The following HDLBP variants were observed in gnomAD, a reference collection of about 807,000 sequenced individuals.
HDLBP encodes high density lipoprotein binding protein, also known as vigilin.
Under a neutral mutation model 137.3 loss-of-function variants are expected in HDLBP, and 30 were observed. The ratio of observed to expected loss-of-function variants is 0.22; its 90% CI spans 0.16 to 0.30. The LOEUF (loss-of-function observed/expected upper bound fraction) is 0.30. Among genes scored for constraint, HDLBP ranks in the 10% least tolerant of loss-of-function variants. The probability of loss-of-function intolerance (pLI) is 1.00; values close to 1 mark genes in which losing one functional copy is unlikely to be tolerated. For synonymous variants in HDLBP, 606 were observed against 596.0 expected (o/e 1.02, Z -0.24); for missense variants, 1,119 against 1,667.3 (o/e 0.67, Z 5.73).
chr2:241,285,517 C>A (rs1426710836), intron 1 of HDLBP, among the ~76,000 whole-genome samples: 3 of 152,198 alleles, frequency 2.0e-5, no homozygotes, highest in Non-Finnish European at 4.4e-5. Context: ...ATGTCATGAG[C>A]AGAGTGCCTT....
chr2:241,290,822 C>T (rs1011118253), intron 1 of HDLBP, among the ~76,000 whole-genome samples: 3 of 152,134 alleles, frequency 2.0e-5, no homozygotes, highest in African/African-American at 7.2e-5. Flanking sequence ...GCCTAAGCAT[C>T]AGAGAATTAT....
chr2:241,305,018 G>A (rs906231096), intron 1 of HDLBP, among the ~76,000 whole-genome samples: 10 of 152,280 alleles, frequency 6.6e-5, no homozygotes, highest in East Asian at 5.8e-4. Context: ...ACAATAAACC[G>A]GTGTGGTGTT....
At chr2:241,309,943 G>A (rs1205660139) in intron 1 of HDLBP, among the ~76,000 whole-genome samples, 3 of 152,158 alleles carry the variant, frequency 2.0e-5, no homozygotes, top group Non-Finnish European at 2.9e-5. Flanking sequence ...CCAGCCAGGT[G>A]CCTCTGCAGT....
At chr2:241,296,731 GA>G (rs745945429) in intron 1 of HDLBP, among the ~76,000 whole-genome samples, 2 of 152,122 alleles carry the variant, frequency 1.3e-5, no homozygotes, top group South Asian at 2.1e-4. Context: ...TGGTGAGGGG[GA>G]AAAAAGACTA....
Position 241,272,218 on chromosome 2 carries a change from G to T in HDLBP, c.-102-3677C>A. 2 of 981,186 alleles carry T rather than the reference G, an allele frequency of 2.0e-6. No individual in the cohort carries two copies. The highest frequency in any genetic ancestry group is 1.7e-5 in the African/African-American group (1 of 57,200). 60.8% of individuals were successfully genotyped at this position (981,186 alleles called of 1,614,324 possible). ...GTGGAGGTGCTGCGGGGGCCCCGCC[G>T]CCCGGTCTGCGCCCAGACCCCCGCC... On this transcript the variant is annotated intron_variant, in intron 1 of 27. Transcript: ENST00000310931. The surrounding 1 kb of genome is among the most constrained non-coding windows in gnomAD (Gnocchi z 5.6).
At chr2:241,305,411 C>T (rs925782883) in intron 1 of HDLBP, among the ~76,000 whole-genome samples, 16 of 152,232 alleles carry the variant, frequency 1.1e-4, no homozygotes, top group African/African-American at 3.6e-4. Flanking sequence ...GCGTGAACCA[C>T]CGGACCTGGC....
intron 1 of HDLBP, chr2:241,302,661 T>A (rs2075434283): frequency 6.6e-6 from 1 of 152,386 alleles, no homozygotes; most frequent in Non-Finnish European, 1.5e-5. Flanking sequence ...CCAATGGATC[T>A]GGTCCTTTTG....
Position 241,240,026 on chromosome 2 carries a change from T to C in HDLBP, c.2266A>G (p.Ser756Gly). The change falls in exon 18 of 28, where the codon AGC becomes GGC. Residue 756 changes from serine to glycine, a missense_variant. This residue lies in a region of HDLBP where 618 missense variants were observed against 816.7 expected (regional missense o/e 0.76). Coordinates refer to ENST00000310931, the MANE Select transcript of HDLBP (RefSeq NM_005336.6). This position sits in a 1 kb window ranked among gnomAD's most constrained non-coding sequence, Gnocchi z 5.5. ...GGGKIRKVRD[S>G]TGARVIFPAA... ...GGGAAGATGACACGTGCTCCAGTGCTGTCGCGCACCTTGCGAATTTTGCCG... is the reference window on the plus strand; with the variant it reads ...GGGAAGATGACACGTGCTCCAGTGCCGTCGCGCACCTTGCGAATTTTGCCG... 7 of 1,614,252 alleles carry C rather than the reference T, an allele frequency of 4.3e-6. No homozygotes were observed. The highest frequency in any genetic ancestry group is 5.9e-6 in the Non-Finnish European group (7 of 1,180,052).
At chr2:241,310,960 T>A (rs2075740557) in intron 1 of HDLBP, among the ~76,000 whole-genome samples, 1 of 151,888 alleles carries the variant, frequency 6.6e-6, no homozygotes, top group South Asian at 2.1e-4. Flanking sequence ...AAAAAGTTTT[T>A]AAAATTATCC....
intron 17 of HDLBP, among the ~76,000 whole-genome samples, chr2:241,241,496 G>A (rs926853806): frequency 7.1e-6 from 1 of 141,224 alleles, no homozygotes; most frequent in African/African-American, 2.6e-5. Context: ...GAACCCAGGA[G>A]GCGGAGCTTG....
chr2:241,233,719 C>T lies in HDLBP; in HGVS notation c.3288+101G>A. The T allele has an allele frequency of 7.5e-7, 1 of 1,328,820 alleles. No individual in the cohort carries two copies. Among genetic ancestry groups the T allele is most frequent in the Non-Finnish European group, 1.1e-6 (1 of 947,396 alleles). The allele number at this position is 1,328,820 out of a possible 1,614,324, so 82.3% of individuals were successfully genotyped here. A position where few individuals can be genotyped will look rare whatever the true frequency, so the allele number is the denominator to read the frequency against. ...GAGAGACTTGCCACTCTCAACTTGG[C>T]CCTCGAACCCCCATCTAGGCACATC... On this transcript the variant is annotated intron_variant, in intron 24 of 27. Transcript: ENST00000310931. This position sits in a 1 kb window ranked among gnomAD's most constrained non-coding sequence, Gnocchi z 4.3.
At chr2:241,250,117 CCAAA>C (rs2072009683) in intron 11 of HDLBP, 137 bp from the exon 12 acceptor site, 2 of 836,838 alleles carry the variant, frequency 2.4e-6, no homozygotes, top group South Asian at 1.9e-5. Context: ...GCTTAGCTTC[CCAAA>C]CAAAAATCTC....
chr2:241,249,873 T>C lies in HDLBP; in HGVS notation c.1480A>G (p.Lys494Glu). 6.2e-7 allele frequency: 1 copy of C among 1,613,048 alleles called. No individual in the cohort carries two copies. Among genetic ancestry groups the C allele is most frequent in the South Asian group, 1.1e-5 (1 of 90,950 alleles). The change falls in exon 12 of 28, where the codon AAG (lysine) becomes GAG (glutamate). Residue 494 changes from lysine (K) to glutamate (E), a missense_variant. Coordinates refer to ENST00000310931, the MANE Select transcript of HDLBP (RefSeq NM_005336.6). ...EGDPQGVQQAKRELLELASRM... is the reference protein window; with the variant it reads ...EGDPQGVQQAERELLELASRM... ...GATGCAAGCTCCAGCAGCTCTCGCT[T>C]GGCCTGCTGCACGCCCTGTGGGTCC...
intron 16 of HDLBP, among the ~76,000 whole-genome samples, chr2:241,245,960 T>C (rs2071637482): frequency 6.6e-6 from 1 of 152,102 alleles, no homozygotes; most frequent in South Asian, 2.1e-4. Context: ...AGGACTATTC[T>C]AAAAAACTTC....
intron 1 of HDLBP, among the ~76,000 whole-genome samples, chr2:241,298,322 C>T (rs530575438): frequency 1.8e-4 from 27 of 151,912 alleles, no homozygotes; most frequent in Admixed American, 1.6e-3. Flanking sequence ...GCCGAGATGG[C>T]GCCATTGCAC....
intron 12 of HDLBP, among the ~76,000 whole-genome samples, chr2:241,248,598 C>A (rs1385259942): frequency 6.6e-6 from 1 of 152,146 alleles, no homozygotes; most frequent in African/African-American, 2.4e-5. Context: ...TGAACAAAGT[C>A]CAATTAAGGA....
At chr2:241,291,060 C>T (rs937504880) in intron 1 of HDLBP, among the ~76,000 whole-genome samples, 1 of 152,166 alleles carries the variant, frequency 6.6e-6, no homozygotes, top group African/African-American at 2.4e-5. Context: ...CTGTATCACA[C>T]GAGGCGCTTT....
Position 241,245,129 on chromosome 2 carries a change from T to C in HDLBP, c.1950+1623A>G, listed in dbSNP as rs571502931. Among the ~76,000 whole-genome samples, 23 of 152,250 alleles carry C rather than the reference T, an allele frequency of 1.5e-4. No individual in the cohort carries two copies. The South Asian group carries it at 4.8e-3, about 32-fold the overall frequency. The stretch of plus-strand genomic sequence containing the variant: ...AACATATGTAATAAATATAAATATG[T>C]GATATATAACATATATAATCACAAC... On this transcript the variant is annotated intron_variant, in intron 16 of 27. Coordinates refer to ENST00000310931, the MANE Select transcript of HDLBP (RefSeq NM_005336.6).
At chr2:241,296,595 T>C (rs980263234) in intron 1 of HDLBP, among the ~76,000 whole-genome samples, 1 of 152,174 alleles carries the variant, frequency 6.6e-6, no homozygotes, top group African/African-American at 2.4e-5. Flanking sequence ...GGTTAGGACA[T>C]ATGAACACAC....
Sources: allele counts gnomAD v4.1 joint callset (sites outside exome capture counted in the v4.1 genomes callset), GRCh38; gene constraint gnomAD v4.1.1; regional missense constraint gnomAD v4.1.1; non-coding constraint Gnocchi (gnomAD v3.1); transcripts MANE v1.5; gene names NCBI Gene and HGNC (gene_info 2026-07-23, HGNC 2026-07-21).